Variants in USP46 observed in about 807,000 individuals in gnomAD.
The protein encoded by USP46 is ubiquitin specific peptidase 46.
In USP46, 12 loss-of-function variants were observed where a neutral mutation model predicts 44.4. The observed-to-expected ratio is 0.27, with a 90% CI of 0.17 to 0.44. The LOEUF is 0.44. Ranked by LOEUF, USP46 falls within the 20% of genes least tolerant of loss-of-function variation. The pLI, the probability that USP46 is intolerant of heterozygous loss-of-function variation, is 1.00. For missense variants in USP46, 248 were observed against 444.8 expected (o/e 0.56, Z 3.98); for synonymous variants, 155 against 161.5 (o/e 0.96, Z 0.31).
intron 1 of USP46, among the ~76,000 whole-genome samples, chr4:52,642,917 A>G (rs1718402339): frequency 6.6e-6 from 1 of 152,220 alleles, no homozygotes; most frequent in Admixed American, 6.5e-5. Context: ...ATAATATAAC[A>G]AAAACAATGG....
chr4:52,640,497 G>T (rs753409179), intron 1 of USP46, among the ~76,000 whole-genome samples: 1 of 152,076 alleles, frequency 6.6e-6, no homozygotes, highest in Admixed American at 6.6e-5. Flanking sequence ...TTTTTACTAT[G>T]AGCAATTATT....
rs1337625368 is a variant in USP46, at chr4:52,594,356, A to G, written c.*3284T>C. On this transcript the variant is annotated 3_prime_UTR_variant, in exon 9 of 9. Transcript: ENST00000441222. ...ATATTTTTAGCAACAAAATAATAGG[A>G]ATGCCACACAAATACAGTAACTATT... The G allele has an allele frequency of 6.6e-6, 1 of 152,236 alleles. No individual in the cohort carries two copies. Among genetic ancestry groups the G allele is most frequent in the African/African-American group, 2.4e-5 (1 of 41,468 alleles). 9.4% of individuals were successfully genotyped at this position (152,236 alleles called of 1,614,324 possible). A position where few individuals can be genotyped will look rare whatever the true frequency, so the allele number is the denominator to read the frequency against.
Position 52,628,800 on chromosome 4 carries a change from T to C in USP46, c.118-637A>G, listed in dbSNP as rs546980328. Reference sequence around the variant, plus strand: ...GCTTCCCACCCTCTGGACTTCTAAATGGCCCTTGATCTTGCTTCTGCCAAG... The same window carrying C: ...GCTTCCCACCCTCTGGACTTCTAAACGGCCCTTGATCTTGCTTCTGCCAAG... On this transcript the variant is annotated intron_variant, in intron 2 of 8. Transcript: ENST00000441222. Among the ~76,000 whole-genome samples, 24 of 152,332 alleles carry C rather than the reference T, an allele frequency of 1.6e-4. No homozygotes were observed. The East Asian group carries it at 4.4e-3, about 28-fold the overall frequency.
chr4:52,657,383 G>T (rs568395926), intron 1 of USP46, among the ~76,000 whole-genome samples: 33 of 152,198 alleles, frequency 2.2e-4, no homozygotes, highest in African/African-American at 4.3e-4. Context: ...GGGGACGCGT[G>T]GGGGGAGGTT....
At chr4:52,633,006 GAAAGAAAGAAAGAAAGAAAGAAAA>G (rs1560406378) in intron 1 of USP46, among the ~76,000 whole-genome samples, 4 of 119,036 alleles carry the variant, frequency 3.4e-5, no homozygotes, top group African/African-American at 1.4e-4. Flanking sequence ...AAGAAAGAAA[GAAAGAAAGAAAGAAAGAAAGAAAA>G]AGAAAGGTAA....
intron 4 of USP46, among the ~76,000 whole-genome samples, chr4:52,618,701 G>C (rs1717259473): frequency 6.6e-6 from 1 of 152,172 alleles, no homozygotes; most frequent in Admixed American, 6.5e-5. Flanking sequence ...GCTTTAAAAG[G>C]TACCCAATGG....
At chr4:52,615,786 G>A (rs1717109033) in intron 4 of USP46, among the ~76,000 whole-genome samples, 5 of 151,986 alleles carry the variant, frequency 3.3e-5, no homozygotes, top group Admixed American at 3.3e-4. Flanking sequence ...CTAAAACTAG[G>A]TTACAGTACT....
chr4:52,623,135 G>A (rs1717440182), intron 4 of USP46, among the ~76,000 whole-genome samples: 1 of 152,156 alleles, frequency 6.6e-6, no homozygotes, highest in Non-Finnish European at 1.5e-5. Flanking sequence ...GAGTAGCAGG[G>A]AGGAAGAAAA....
At chr4:52,626,448 G>A (rs1339862514) in intron 3 of USP46, among the ~76,000 whole-genome samples, 1 of 151,944 alleles carries the variant, frequency 6.6e-6, no homozygotes, top group East Asian at 1.9e-4. Flanking sequence ...TCAGCCTCTT[G>A]AGTAGCTGGA....
chr4:52,656,423 G>C, intron 1 of USP46: 2 of 798,418 alleles, frequency 2.5e-6, no homozygotes, highest in Non-Finnish European at 3.5e-6. Flanking sequence ...GACTGGGAGG[G>C]ACAGTGGGGG....
intron 1 of USP46, among the ~76,000 whole-genome samples, chr4:52,639,860 GTTTTTTT>G (rs34078992): frequency 3.4e-5 from 4 of 116,620 alleles, no homozygotes; most frequent in African/African-American, 1.3e-4. Flanking sequence ...CCATGCCTGG[GTTTTTTT>G]TTTTTTTTTT....
At chr4:52,653,103 T>C (rs188261092) in intron 1 of USP46, among the ~76,000 whole-genome samples, 1 of 152,188 alleles carries the variant, frequency 6.6e-6, no homozygotes, top group African/African-American at 2.4e-5. Context: ...TAAACTTCCA[T>C]GTACAGCACT....
At position 52,659,274 on chromosome 4, in the gene USP46, T is replaced by C; in HGVS notation, c.-124A>G. On this transcript the variant is annotated 5_prime_UTR_variant, in exon 1 of 9. Transcript: ENST00000441222. This position sits in a 1 kb window ranked among gnomAD's most constrained non-coding sequence, Gnocchi z 4.2. Reference sequence around the variant, plus strand: ...GGCGGCCTGGGGTCCGGCTTTCAGTTTGGCTGGGAGAGGGAGGCCGGGAGG... The same window carrying C: ...GGCGGCCTGGGGTCCGGCTTTCAGTCTGGCTGGGAGAGGGAGGCCGGGAGG... 1 of 1,094,580 alleles carries C rather than the reference T, an allele frequency of 9.1e-7. No homozygotes were observed. Among genetic ancestry groups the C allele is most frequent in the South Asian group, 1.9e-5 (1 of 51,798 alleles). The allele number at this position is 1,094,580 out of a possible 1,614,324, so 67.8% of individuals were successfully genotyped here.
chr4:52,647,712 C>G (rs980123152), intron 1 of USP46, among the ~76,000 whole-genome samples: 5 of 152,222 alleles, frequency 3.3e-5, no homozygotes, highest in African/African-American at 1.2e-4. Flanking sequence ...CTCCTTTTGT[C>G]CTGCAGCCCT....
chr4:52,641,410 C>T (rs1362163206), intron 1 of USP46, among the ~76,000 whole-genome samples: 1 of 152,078 alleles, frequency 6.6e-6, no homozygotes, highest in African/African-American at 2.4e-5. Context: ...TCTATGACTG[C>T]CAAGGGGTGC....
At position 52,593,195 on chromosome 4, in the gene USP46, G is replaced by C. The variant is rs999786722; in HGVS notation, c.*4445C>G. The C allele has an allele frequency of 1.1e-5, 4 of 359,576 alleles. No individual in the cohort carries two copies. Among genetic ancestry groups the C allele is most frequent in the Non-Finnish European group, 2.0e-5 (4 of 202,480 alleles). The allele number at this position is 359,576 out of a possible 1,614,324, so 22.3% of individuals were successfully genotyped here. On this transcript the variant is annotated 3_prime_UTR_variant, in exon 9 of 9. Transcript: ENST00000441222. Reference sequence around the variant, plus strand: ...AAAAAGAGAGGAAAGGAAATTTGAAGAAATGGGAAAATACATTCTCTAGAA... The same window carrying C: ...AAAAAGAGAGGAAAGGAAATTTGAACAAATGGGAAAATACATTCTCTAGAA...
intron 7 of USP46, among the ~76,000 whole-genome samples, chr4:52,599,107 T>C (rs2109590554): frequency 6.6e-6 from 1 of 152,268 alleles, no homozygotes; most frequent in South Asian, 2.1e-4. Flanking sequence ...TATAAATGTA[T>C]GTCAAGTGGT....
At chr4:52,655,477 T>C (rs1261457177) in intron 1 of USP46, 2 of 152,236 alleles carry the variant, frequency 1.3e-5, no homozygotes, top group African/African-American at 4.8e-5. Flanking sequence ...GCAACTTGCA[T>C]TGGTATGTCA....
chr4:52,640,382 G>A (rs568374429), intron 1 of USP46, among the ~76,000 whole-genome samples: 26 of 152,176 alleles, frequency 1.7e-4, no homozygotes, highest in Non-Finnish European at 3.2e-4. Context: ...ATTTTTGAAA[G>A]AAGACTTGAG....
Sources: gnomAD v4.1 joint callset for allele counts (sites outside exome capture counted in the v4.1 genomes callset) on GRCh38, gnomAD v4.1.1 for gene constraint, Gnocchi (gnomAD v3.1) non-coding constraint, MANE v1.5 for transcripts, NCBI Gene and HGNC (gene_info 2026-07-23, HGNC 2026-07-21) for gene names.